Variants in LDLRAD3 observed in about 807,000 individuals in gnomAD.
LDLRAD3 encodes the protein low-density lipoprotein receptor class A domain-containing protein 3.
Under a neutral mutation model 29.4 loss-of-function variants are expected in LDLRAD3, and 20 were observed. That is an observed-to-expected ratio of 0.68 (90% CI 0.48 to 0.99). The LOEUF (loss-of-function observed/expected upper bound fraction) is 0.99, where lower values mean the gene tolerates loss of function less well. Ranked by LOEUF, LDLRAD3 falls within the 50% of genes least tolerant of loss-of-function variation. LDLRAD3 has a pLI of 0.00. For synonymous variants in LDLRAD3, 157 were observed against 192.7 expected, an observed-to-expected ratio of 0.81 and a Z score of 1.53; for missense variants, 420 against 454.3, an observed-to-expected ratio of 0.92 and a Z score of 0.69.
intron 3 of LDLRAD3, among the ~76,000 whole-genome samples, chr11:36,088,331 A>G (rs1439446316): frequency 6.6e-6 from 1 of 152,052 alleles, no homozygotes; most frequent in Non-Finnish European, 1.5e-5. Context: ...GTCCTCATTC[A>G]GTAAGGATGA....
intron 1 of LDLRAD3, among the ~76,000 whole-genome samples, chr11:36,016,054 C>T (rs185981657): frequency 9.8e-4 from 150 of 152,322 alleles, no homozygotes; most frequent in African/African-American, 3.4e-3. Flanking sequence ...CCACATTCCC[C>T]GCAGAGGACG....
At chr11:36,092,636 C>T (rs1481218197) in intron 3 of LDLRAD3, among the ~76,000 whole-genome samples, 1 of 152,104 alleles carries the variant, frequency 6.6e-6, no homozygotes, top group African/African-American at 2.4e-5. Context: ...CGTTTCTGTC[C>T]CCTTCTCTGG....
intron 4 of LDLRAD3, among the ~76,000 whole-genome samples, chr11:36,141,643 G>C (rs940858843): frequency 4.6e-5 from 7 of 152,212 alleles, no homozygotes; most frequent in Non-Finnish European, 8.8e-5. Flanking sequence ...AAGGGAGACA[G>C]GGATGGGTGA....
intron 2 of LDLRAD3, among the ~76,000 whole-genome samples, chr11:36,074,155 A>G (rs1852955321): frequency 6.6e-6 from 1 of 152,236 alleles, no homozygotes; most frequent in Non-Finnish European, 1.5e-5. Context: ...TATGAGGCAC[A>G]TGGTGTAGGC....
chr11:36,052,063 G>GT (rs575790323), intron 2 of LDLRAD3, among the ~76,000 whole-genome samples: 17 of 152,210 alleles, frequency 1.1e-4, no homozygotes, highest in Non-Finnish European at 2.2e-4. Context: ...AAACTCATCT[G>GT]TCATAGGACT....
intron 4 of LDLRAD3, among the ~76,000 whole-genome samples, chr11:36,179,599 T>C (rs1854727462): frequency 6.6e-6 from 1 of 152,172 alleles, no homozygotes; most frequent in Non-Finnish European, 1.5e-5. Context: ...TGAGTTTGAA[T>C]CCAGTTCTTC....
At chr11:36,016,721 A>G (rs11033376) in intron 1 of LDLRAD3, among the ~76,000 whole-genome samples, 7,444 of 152,302 alleles carry the variant, frequency 0.049, 638 homozygotes, top group African/African-American at 0.17. Flanking sequence ...GTGCAGATAT[A>G]AATGTAAATA....
intron 1 of LDLRAD3, among the ~76,000 whole-genome samples, chr11:36,034,460 G>A (rs1852279024): frequency 1.3e-5 from 2 of 152,308 alleles, no homozygotes; most frequent in Non-Finnish European, 2.9e-5. Context: ...ATTCTGATGT[G>A]GGCAGTTGGG....
intron 4 of LDLRAD3, among the ~76,000 whole-genome samples, chr11:36,143,930 C>A (rs1464075420): frequency 7.6e-6 from 1 of 131,160 alleles, no homozygotes; most frequent in African/African-American, 2.9e-5. Context: ...CTCCCCCTCC[C>A]CCTCCCCCTC....
In LDLRAD3 at chr11:36,084,714, A is replaced by G. The variant is rs552837979; in HGVS notation, c.319+2936A>G. Among the ~76,000 whole-genome samples, 14 of 152,330 alleles carry G rather than the reference A, an allele frequency of 9.2e-5. No homozygotes were observed. The South Asian group carries it at 2.9e-3, about 32-fold the overall frequency. ...TGAAAAATGGGTCTAGGTAATGATC[A>G]TCAATGACTGCTTAAAACCATTAGG... On this transcript the variant is annotated intron_variant, in intron 3 of 5. Coordinates refer to ENST00000315571, the MANE Select transcript of LDLRAD3 (RefSeq NM_174902.4).
chr11:36,139,629 C>A (rs12222421), intron 4 of LDLRAD3, among the ~76,000 whole-genome samples: 8,583 of 152,234 alleles, frequency 0.056, 423 homozygotes, highest in East Asian at 0.26. Context: ...AAGTAACTTA[C>A]CCGTAGTCAC....
intron 4 of LDLRAD3, among the ~76,000 whole-genome samples, chr11:36,170,758 G>A (rs990324261): frequency 6.6e-6 from 1 of 151,222 alleles, no homozygotes; most frequent in Non-Finnish European, 1.5e-5. Context: ...GATCATTAGT[G>A]ATGTTGAGCA....
At chr11:36,086,043 T>G (rs1853191100) in intron 3 of LDLRAD3, among the ~76,000 whole-genome samples, 1 of 152,154 alleles carries the variant, frequency 6.6e-6, no homozygotes, top group Non-Finnish European at 1.5e-5. Context: ...GCCTATATAG[T>G]GTTTTGTTTT....
intron 1 of LDLRAD3, among the ~76,000 whole-genome samples, chr11:35,992,138 T>A (rs1851699366): frequency 6.6e-6 from 1 of 152,172 alleles, no homozygotes; most frequent in African/African-American, 2.4e-5. Context: ...AGGTTAGATT[T>A]CTCTGAAATG....
At chr11:36,132,910 G>A (rs949521351) in intron 4 of LDLRAD3, among the ~76,000 whole-genome samples, 1 of 152,224 alleles carries the variant, frequency 6.6e-6, no homozygotes, top group Non-Finnish European at 1.5e-5. Flanking sequence ...ACGTGACCCT[G>A]GGCAAGTGAC....
intron 2 of LDLRAD3, among the ~76,000 whole-genome samples, chr11:36,077,400 A>T (rs895765097): frequency 6.6e-6 from 1 of 152,312 alleles, no homozygotes; most frequent in Non-Finnish European, 1.5e-5. Flanking sequence ...ACCTTTGCCC[A>T]AGTTTTGCTC....
At chr11:36,193,771 C>G (rs1854990995) in intron 4 of LDLRAD3, among the ~76,000 whole-genome samples, 1 of 152,144 alleles carries the variant, frequency 6.6e-6, no homozygotes, top group Non-Finnish European at 1.5e-5. Flanking sequence ...CAGCACTGGT[C>G]TCATGCAGCT....
intron 4 of LDLRAD3, among the ~76,000 whole-genome samples, chr11:36,160,925 G>GT (rs1361050162): frequency 1.3e-5 from 2 of 152,170 alleles, no homozygotes; most frequent in African/African-American, 4.8e-5. Context: ...CTCCCGAGTA[G>GT]TTGGGATTAC....
chr11:36,017,145 A>G (rs1197345867), intron 1 of LDLRAD3, among the ~76,000 whole-genome samples: 2 of 152,216 alleles, frequency 1.3e-5, no homozygotes. Flanking sequence ...GGATTAGGGA[A>G]CAAAATCAGA....
Sources: allele counts gnomAD v4.1 joint callset (sites outside exome capture counted in the v4.1 genomes callset), GRCh38; gene constraint gnomAD v4.1.1; transcripts MANE v1.5; gene names NCBI Gene and HGNC (gene_info 2026-07-23, HGNC 2026-07-21).